Variants in ME3 observed in about 807,000 individuals in gnomAD.
ME3 encodes malic enzyme 3.
In ME3, 48 loss-of-function variants were observed where a neutral mutation model predicts 68.9. The observed-to-expected ratio is 0.70, with a 90% CI of 0.55 to 0.89. The LOEUF (loss-of-function observed/expected upper bound fraction) is 0.89, where lower values mean the gene tolerates loss of function less well. Among genes scored for constraint, ME3 ranks in the 40% least tolerant of loss-of-function variants. ME3 has a pLI of 0.00. For synonymous variants in ME3, 320 were observed against 318.8 expected, an observed-to-expected ratio of 1.00 and a Z score of -0.04; for missense variants, 675 against 797.4, an observed-to-expected ratio of 0.85 and a Z score of 1.85.
At chr11:86,578,808 G>C (rs1173137705) in intron 2 of ME3, among the ~76,000 whole-genome samples, 1 of 152,132 alleles carries the variant, frequency 6.6e-6, no homozygotes, top group African/African-American at 2.4e-5. Context: ...TCACTGCTTT[G>C]TTAGGGTCTA....
At chr11:86,453,888 C>G (rs958920097) in intron 8 of ME3, among the ~76,000 whole-genome samples, 7 of 152,204 alleles carry the variant, frequency 4.6e-5, no homozygotes, top group African/African-American at 1.7e-4. Flanking sequence ...CCTCCTCTTT[C>G]CTTTGTTCCC....
intron 2 of ME3, among the ~76,000 whole-genome samples, chr11:86,567,942 G>T (rs1163775941): frequency 6.6e-6 from 1 of 152,116 alleles, no homozygotes; most frequent in Non-Finnish European, 1.5e-5. Context: ...AAAGTCATGG[G>T]GTATATGAGG....
intron 8 of ME3, 76 bp from the exon 9 acceptor site, chr11:86,450,474 C>G: frequency 8.1e-7 from 1 of 1,236,142 alleles, no homozygotes; most frequent in South Asian, 1.3e-5. Context: ...GGCAGAGTTC[C>G]CCACATCTGG....
At chr11:86,656,699 G>T (rs1251309328) in intron 2 of ME3, among the ~76,000 whole-genome samples, 1 of 152,012 alleles carries the variant, frequency 6.6e-6, no homozygotes, top group Admixed American at 6.6e-5. Flanking sequence ...GTATACATAT[G>T]TAACAAACCT....
intron 6 of ME3, among the ~76,000 whole-genome samples, chr11:86,493,757 G>C (rs888854050): frequency 1.3e-5 from 2 of 152,226 alleles, no homozygotes; most frequent in African/African-American, 2.4e-5. Context: ...AAGTGATGCA[G>C]AGTTTCAGGG....
intron 4 of ME3, among the ~76,000 whole-genome samples, chr11:86,529,773 T>G (rs899206751): frequency 1.3e-5 from 2 of 152,156 alleles, no homozygotes; most frequent in African/African-American, 4.8e-5. Context: ...ATTATCTCAA[T>G]AGATGCAGAA....
At chr11:86,585,087 C>T (rs769674632) in intron 2 of ME3, among the ~76,000 whole-genome samples, 14 of 152,016 alleles carry the variant, frequency 9.2e-5, no homozygotes, top group Non-Finnish European at 1.6e-4. Flanking sequence ...AGAAACACCA[C>T]GTTCAAGGCT....
At chr11:86,505,988 A>G (rs1406763243) in intron 5 of ME3, among the ~76,000 whole-genome samples, 1 of 152,134 alleles carries the variant, frequency 6.6e-6, no homozygotes, top group Non-Finnish European at 1.5e-5. Flanking sequence ...ATGTACTGTC[A>G]CTGTTTCTGG....
intron 6 of ME3, among the ~76,000 whole-genome samples, chr11:86,489,844 C>A (rs2138952185): frequency 1.3e-5 from 2 of 152,278 alleles, no homozygotes; most frequent in South Asian, 4.2e-4. Flanking sequence ...GGTGTCTCCC[C>A]AGTACCTTTC....
chr11:86,536,084 G>A (rs1431409381), intron 4 of ME3, among the ~76,000 whole-genome samples: 1 of 152,170 alleles, frequency 6.6e-6, no homozygotes, highest in Non-Finnish European at 1.5e-5. Flanking sequence ...CAGGTTTGGG[G>A]AGTCAGTGAA....
Position 86,622,062 on chromosome 11 carries a change from A to G in ME3, c.183+49700T>C, listed in dbSNP as rs1389738480. ...TCATCAGGCCTCAGCGAGGAGTGTC[A>G]TGATTGATTAATGATGTTTGCCATG... is the stretch of plus-strand genomic sequence containing the variant. On this transcript the variant is annotated intron_variant, in intron 2 of 14. Transcript: ENST00000543262. 1.3e-5 allele frequency among the ~76,000 whole-genome samples: 2 copies of G among 151,968 alleles called. 1 individual carries two copies. Among genetic ancestry groups the G allele is most frequent in the African/African-American group, 4.8e-5 (2 of 41,246 alleles).
At chr11:86,642,348 A>G (rs921605079) in intron 2 of ME3, among the ~76,000 whole-genome samples, 3 of 152,350 alleles carry the variant, frequency 2.0e-5, no homozygotes, top group African/African-American at 7.2e-5. Context: ...AGTGATGCCA[A>G]CTACTGCATG....
At chr11:86,531,569 A>G (rs979101755) in intron 4 of ME3, among the ~76,000 whole-genome samples, 4 of 152,220 alleles carry the variant, frequency 2.6e-5, no homozygotes, top group African/African-American at 9.6e-5. Context: ...TTGTGGCACT[A>G]TTCAGAATAG....
At chr11:86,570,859 A>G (rs1957751192) in intron 2 of ME3, among the ~76,000 whole-genome samples, 1 of 152,138 alleles carries the variant, frequency 6.6e-6, no homozygotes, top group Non-Finnish European at 1.5e-5. Context: ...CTGTGCTCAC[A>G]CAGCCAGCAT....
chr11:86,656,945 A>C (rs888733176), intron 2 of ME3, among the ~76,000 whole-genome samples: 1 of 152,150 alleles, frequency 6.6e-6, no homozygotes, highest in African/African-American at 2.4e-5. Context: ...TTAGAATGGC[A>C]ATCATTAGAA....
chr11:86,635,380 G>T (rs903491031), intron 2 of ME3, among the ~76,000 whole-genome samples: 2 of 152,148 alleles, frequency 1.3e-5, no homozygotes, highest in Non-Finnish European at 2.9e-5. Context: ...AAACCATGAT[G>T]GTACCCCAAT....
At chr11:86,477,446 A>C (rs1951144379) in intron 7 of ME3, among the ~76,000 whole-genome samples, 2 of 150,042 alleles carry the variant, frequency 1.3e-5, no homozygotes, top group South Asian at 4.2e-4. Context: ...TGCTTATGGT[A>C]AGCAATTAAA....
At position 86,641,039 on chromosome 11, in the gene ME3, G is replaced by C. The variant is rs747755303; in HGVS notation, c.183+30723C>G. Among the ~76,000 whole-genome samples the C allele has an allele frequency of 1.5e-4, 5 of 33,368 alleles. No homozygotes were observed. In the South Asian group the frequency reaches 3.5e-3, roughly 23 times the overall value. The allele number at this position is 33,368 out of a possible 152,430, so 21.9% of individuals were successfully genotyped here. ...TATAACCTGCTCTCAATTTCACTGG[G>C]GGGGGGGGTCAATGAAGGGCATATG... On this transcript the variant is annotated intron_variant, in intron 2 of 14. Transcript: ENST00000543262.
intron 2 of ME3, among the ~76,000 whole-genome samples, chr11:86,593,909 G>A (rs1450521338): frequency 6.8e-6 from 1 of 146,254 alleles, no homozygotes; most frequent in Non-Finnish European, 1.5e-5. Flanking sequence ...CCACAATTAT[G>A]AATTATGCTG....
Sources: gnomAD v4.1 joint callset for allele counts (sites outside exome capture counted in the v4.1 genomes callset) on GRCh38, gnomAD v4.1.1 for gene constraint, MANE v1.5 for transcripts, NCBI Gene and HGNC (gene_info 2026-07-23, HGNC 2026-07-21) for gene names.